UBE2E2: variants seen among roughly 807,000 people sequenced by gnomAD.
The protein encoded by UBE2E2 is ubiquitin-conjugating enzyme E2 E2.
UBE2E2 carries 6 observed loss-of-function variants against 24.7 expected under a neutral mutation model. The ratio of observed to expected loss-of-function variants is 0.24; its 90% CI spans 0.13 to 0.48. The LOEUF (loss-of-function observed/expected upper bound fraction) is 0.48. Ranked by LOEUF, UBE2E2 falls within the 20% of genes least tolerant of loss-of-function variation. The pLI is 0.99. For missense variants in UBE2E2, 169 were observed against 245.0 expected (o/e 0.69, Z 2.07); for synonymous variants, 104 against 83.6 (o/e 1.24, Z -1.33).
intron 3 of UBE2E2, among the ~76,000 whole-genome samples, chr3:23,348,988 C>A (rs999092804): frequency 2.6e-5 from 4 of 152,104 alleles, no homozygotes; most frequent in Admixed American, 2.0e-4. Flanking sequence ...TATCCCCTGA[C>A]CACCCCCCCA....
rs529975729 is a variant in UBE2E2, at chr3:23,390,286, A to G, written c.228-109322A>G. Among the ~76,000 whole-genome samples, 13 of 152,166 alleles carry G rather than the reference A, an allele frequency of 8.5e-5. No individual in the cohort carries two copies. In the East Asian group the frequency reaches 2.1e-3, roughly 25 times the overall value. On this transcript the variant is annotated intron_variant, in intron 3 of 5. Coordinates refer to ENST00000396703, the MANE Select transcript of UBE2E2 (RefSeq NM_152653.4). ...CTGCCTCCCTCCCCACTTATCCTGT[A>G]CCCATATTAACCCCAAACCTCAGCT...
In UBE2E2 at chr3:23,219,100, T is replaced by C. The variant is rs60213538; in HGVS notation, c.227+1788T>C. Among the ~76,000 whole-genome samples, 85 of 152,330 alleles carry C rather than the reference T, an allele frequency of 5.6e-4. 2 individuals carry two copies. The East Asian group carries it at 0.015, about 27-fold the overall frequency. On this transcript the variant is annotated intron_variant, in intron 3 of 5. Coordinates refer to ENST00000396703, the MANE Select transcript of UBE2E2 (RefSeq NM_152653.4). ...GAATTTGTAAGGAAATTCTCACTTG[T>C]GGGCTGAGGATTGGATAGCTGATAA...
rs1389497517 is a variant in UBE2E2 at position 23,271,158 on chromosome 3, T to C, written c.227+53846T>C. 5 of 414,344 alleles carry C rather than the reference T, an allele frequency of 1.2e-5. No individual in the cohort carries two copies. In the East Asian group the frequency reaches 3.5e-4, roughly 29 times the overall value. The allele number at this position is 414,344 out of a possible 1,614,324, so 25.7% of individuals were successfully genotyped here. On this transcript the variant is annotated intron_variant, in intron 3 of 5. Transcript: ENST00000396703. ...TAATGGACCTTCAAAAGATGGCAAGTATTGTGTCTGGAATTGGTGGGTTCT... is the reference window on the plus strand; with the variant it reads ...TAATGGACCTTCAAAAGATGGCAAGCATTGTGTCTGGAATTGGTGGGTTCT...
At chr3:23,260,318 C>G (rs986921298) in intron 3 of UBE2E2, among the ~76,000 whole-genome samples, 20 of 152,056 alleles carry the variant, frequency 1.3e-4, no homozygotes, top group African/African-American at 4.6e-4. Context: ...CCAAATTGTA[C>G]TTGAATTATT....
chr3:23,589,758 C>A lies in UBE2E2; in HGVS notation c.533C>A (p.Ala178Asp). ...GCTGACCCTCTGGTGGGCAGCATCG[C>A]CACACAGTACATGACCAACAGAGCA... ...NPADPLVGSI[A>D]TQYMTNRAEH... The change falls in exon 6 of 6, where the codon GCC becomes GAC. Residue 178 changes from alanine to aspartate, a missense_variant. By Grantham distance (126) the Ala-to-Asp change is moderately radical. This residue lies in a region of UBE2E2 where 105 missense variants were observed against 180.7 expected (regional missense o/e 0.58). Transcript: ENST00000396703. The surrounding 1 kb of genome is among the most constrained non-coding windows in gnomAD (Gnocchi z 4.1). 1 of 1,614,098 alleles carries A rather than the reference C, an allele frequency of 6.2e-7. No homozygotes were observed. Among genetic ancestry groups the A allele is most frequent in the Non-Finnish European group, 8.5e-7 (1 of 1,179,988 alleles).
chr3:23,469,197 G>C (rs1298096121), intron 3 of UBE2E2, among the ~76,000 whole-genome samples: 2 of 152,136 alleles, frequency 1.3e-5, no homozygotes, highest in African/African-American at 4.8e-5. Context: ...ATGGCAAAAA[G>C]AGAATAAGAA....
intron 3 of UBE2E2, among the ~76,000 whole-genome samples, chr3:23,312,261 C>G (rs572077766): frequency 6.6e-6 from 1 of 152,062 alleles, no homozygotes; most frequent in South Asian, 2.1e-4. Context: ...TACCCAGACT[C>G]GGATATTTCT....
chr3:23,277,454 G>A (rs1459729812), intron 3 of UBE2E2, among the ~76,000 whole-genome samples: 2 of 152,104 alleles, frequency 1.3e-5, no homozygotes, highest in African/African-American at 4.8e-5. Context: ...TGTTTACTGT[G>A]TAAACCTCAT....
chr3:23,522,323 G>A (rs1472244688), intron 4 of UBE2E2, among the ~76,000 whole-genome samples: 1 of 151,974 alleles, frequency 6.6e-6, no homozygotes, highest in African/African-American at 2.4e-5. Context: ...GTAGAGACAG[G>A]GTTTCACCAT....
At chr3:23,208,937 T>C in intron 2 of UBE2E2, 62 bp downstream of exon 2, 1 of 1,438,740 alleles carries the variant, frequency 7.0e-7, no homozygotes, top group Admixed American at 2.6e-5. Context: ...AGTTCTATTT[T>C]TCTCTTGCAT....
Position 23,400,607 on chromosome 3 carries a change from AACACACACACACACACAC to A in UBE2E2, c.228-98983_228-98966del, listed in dbSNP as rs3087043. 7.7e-4 allele frequency among the ~76,000 whole-genome samples: 106 copies of A among 137,836 alleles called. 1 individual carries two copies. Among genetic ancestry groups the A allele is most frequent in the African/African-American group, 2.6e-3 (101 of 39,230 alleles). The allele number at this position is 137,836 out of a possible 152,430, so 90.4% of individuals were successfully genotyped here. A position where few individuals can be genotyped will look rare whatever the true frequency, so the allele number is the denominator to read the frequency against. On this transcript the variant is annotated intron_variant, in intron 3 of 5. Transcript: ENST00000396703. ...GGTGGACAGAGAGGAGAATAAATGA[AACACACACACACACACAC>A]ACACACACACACACACATCTCAGGC...
chr3:23,588,826 TG>T (rs749596965), intron 5 of UBE2E2, among the ~76,000 whole-genome samples: 1 of 152,206 alleles, frequency 6.6e-6, no homozygotes, highest in Non-Finnish European at 1.5e-5. Flanking sequence ...TTTTAGGACA[TG>T]GTTAGTCATG....
chr3:23,444,344 T>A (rs776051137), intron 3 of UBE2E2, among the ~76,000 whole-genome samples: 1 of 152,164 alleles, frequency 6.6e-6, no homozygotes, highest in Non-Finnish European at 1.5e-5. Flanking sequence ...CCTGACTCCC[T>A]TTTTTCTACT....
intron 4 of UBE2E2, among the ~76,000 whole-genome samples, chr3:23,503,337 C>G (rs540598909): frequency 3.3e-5 from 5 of 151,390 alleles, no homozygotes; most frequent in Non-Finnish European, 5.9e-5. Context: ...TTACAGGCAC[C>G]TGCCACCACA....
rs1697391121 is a variant in UBE2E2 at position 23,407,612 on chromosome 3, A to G, written c.228-91996A>G. On this transcript the variant is annotated intron_variant, in intron 3 of 5. Transcript: ENST00000396703. The surrounding 1 kb of genome is among the most constrained non-coding windows in gnomAD (Gnocchi z 4.0). ...TGGTTTGTATGTTTGTTTTGGGAGG[A>G]GTGCATGTGTGTGTGTTTGTGTGTG... Among the ~76,000 whole-genome samples, 1 of 142,914 alleles carries G rather than the reference A, an allele frequency of 7.0e-6. No homozygotes were observed. The highest frequency in any genetic ancestry group is 2.6e-5 in the African/African-American group (1 of 38,010). The allele number at this position is 142,914 out of a possible 152,430, so 93.8% of individuals were successfully genotyped here.
chr3:23,394,987 G>T (rs2125364712), intron 3 of UBE2E2, among the ~76,000 whole-genome samples: 1 of 152,220 alleles, frequency 6.6e-6, no homozygotes, highest in South Asian at 2.1e-4. Context: ...AAACCAGTGG[G>T]GAGGAAAAGC....
At chr3:23,588,634 C>T (rs1451974431) in intron 5 of UBE2E2, among the ~76,000 whole-genome samples, 2 of 151,904 alleles carry the variant, frequency 1.3e-5, no homozygotes, top group African/African-American at 2.4e-5. Flanking sequence ...AGCTATCTCC[C>T]AGCACCCTGT....
chr3:23,376,000 G>A (rs1696512932), intron 3 of UBE2E2, among the ~76,000 whole-genome samples: 1 of 152,078 alleles, frequency 6.6e-6, no homozygotes, highest in South Asian at 2.1e-4. Context: ...TATAATGTTT[G>A]GTAAATCATG....
chr3:23,563,790 T>C (rs1158167585), intron 5 of UBE2E2, among the ~76,000 whole-genome samples: 1 of 152,118 alleles, frequency 6.6e-6, no homozygotes, highest in Non-Finnish European at 1.5e-5. Flanking sequence ...ATTTATTCTA[T>C]TAATATTATT....
Sources: gnomAD v4.1 joint callset for allele counts (sites outside exome capture counted in the v4.1 genomes callset) on GRCh38, gnomAD v4.1.1 for gene constraint, gnomAD v4.1.1 regional missense constraint, Gnocchi (gnomAD v3.1) non-coding constraint, MANE v1.5 for transcripts, NCBI Gene and HGNC (gene_info 2026-07-23, HGNC 2026-07-21) for gene names.